The following SLC24A2 variants were observed in gnomAD, a reference collection of about 807,000 sequenced individuals.
SLC24A2 encodes the protein solute carrier family 24 member 2, also known as sodium/potassium/calcium exchanger 2.
A neutral mutation model predicts 62.0 loss-of-function variants in SLC24A2; 36 were observed. The ratio of observed to expected loss-of-function variants is 0.58; its 90% CI spans 0.44 to 0.77. The LOEUF is 0.77. SLC24A2 is among the 30% of genes least tolerant of loss of function. The probability of loss-of-function intolerance (pLI) is 0.00; values close to 1 mark genes in which losing one functional copy is unlikely to be tolerated. For synonymous variants in SLC24A2, 358 were observed against 294.0 expected, an observed-to-expected ratio of 1.22 and a Z score of -2.23; for missense variants, 846 against 817.9, an observed-to-expected ratio of 1.03 and a Z score of -0.42.
At chr9:19,800,686 T>C in the SLC24A2 span, among the ~76,000 whole-genome samples, 1 of 152,328 alleles carries the variant, frequency 6.6e-6, no homozygotes, top group Admixed American at 6.5e-5. Flanking sequence ...CTGCCTAATA[T>C]TTTATCTCAC....
At chr9:19,833,539 G>A in the SLC24A2 span, among the ~76,000 whole-genome samples, 12 of 152,222 alleles carry the variant, frequency 7.9e-5, no homozygotes, top group African/African-American at 1.4e-4. Flanking sequence ...AGGGGCGCCC[G>A]CCATTGCGCA....
the SLC24A2 span, among the ~76,000 whole-genome samples, chr9:20,209,403 A>G: frequency 1.3e-5 from 2 of 152,274 alleles, no homozygotes; most frequent in Non-Finnish European, 2.9e-5. Flanking sequence ...ATTGCTCATA[A>G]CCTCTGTGTC....
At chr9:20,032,911 A>T in the SLC24A2 span, among the ~76,000 whole-genome samples, 4 of 152,168 alleles carry the variant, frequency 2.6e-5, no homozygotes, top group African/African-American at 9.7e-5. Context: ...CTGACCGAAA[A>T]CTAGAAAATG....
the SLC24A2 span, among the ~76,000 whole-genome samples, chr9:20,145,103 G>C: frequency 6.6e-6 from 1 of 152,220 alleles, no homozygotes. Flanking sequence ...CGTATTTTGT[G>C]AACCAAAAAT....
the SLC24A2 span, among the ~76,000 whole-genome samples, chr9:20,095,164 T>G: frequency 4.9e-4 from 74 of 152,344 alleles, 1 homozygote; most frequent in African/African-American, 1.6e-3. Context: ...GGAATAGTTT[T>G]TTCATTAAGG....
intron 2 of SLC24A2, among the ~76,000 whole-genome samples, chr9:19,778,750 C>A (rs775153308): frequency 2.9e-4 from 44 of 152,178 alleles, no homozygotes; most frequent in Non-Finnish European, 5.9e-4. Flanking sequence ...CAATGGAGTT[C>A]CACAGGTAAA....
chr9:19,895,709 A>C, the SLC24A2 span: 1 of 1,178,402 alleles, frequency 8.5e-7, no homozygotes, highest in Non-Finnish European at 1.2e-6. Context: ...GGGTGGCTCT[A>C]GCCTGGGGCC....
At chr9:20,191,176 G>A in the SLC24A2 span, among the ~76,000 whole-genome samples, 1 of 130,008 alleles carries the variant, frequency 7.7e-6, no homozygotes, top group Non-Finnish European at 1.6e-5. Flanking sequence ...TTTTTTTTTT[G>A]CAGGACAGAC....
chr9:19,532,704 C>G (rs749891991), intron 8 of SLC24A2, among the ~76,000 whole-genome samples: 5 of 152,112 alleles, frequency 3.3e-5, no homozygotes, highest in Non-Finnish European at 4.4e-5. Context: ...AATAAGTCAC[C>G]AAACCTCTGT....
At chr9:20,234,807 T>A in the SLC24A2 span, among the ~76,000 whole-genome samples, 1 of 152,220 alleles carries the variant, frequency 6.6e-6, no homozygotes, top group Non-Finnish European at 1.5e-5. Context: ...GCGCTCTGAT[T>A]TTTAGAGTGT....
chr9:19,821,360 G>T, the SLC24A2 span, among the ~76,000 whole-genome samples: 1 of 152,066 alleles, frequency 6.6e-6, no homozygotes, highest in Admixed American at 6.6e-5. Context: ...AGTGATGATT[G>T]TCCCTATTGC....
chr9:20,053,736 C>T, the SLC24A2 span, among the ~76,000 whole-genome samples: 1 of 152,184 alleles, frequency 6.6e-6, no homozygotes, highest in Non-Finnish European at 1.5e-5. Flanking sequence ...AGCAGGCCCT[C>T]ACCAAATAAC....
chr9:19,757,205 C>A (rs752537002), intron 2 of SLC24A2, among the ~76,000 whole-genome samples: 8 of 151,938 alleles, frequency 5.3e-5, no homozygotes, highest in Non-Finnish European at 1.0e-4. Context: ...GGCAAGACTG[C>A]GTTTCATTTG....
chr9:19,636,310 T>TTTCCTTTCCTTTCCC (rs1213387858), intron 2 of SLC24A2, among the ~76,000 whole-genome samples: 1 of 34,182 alleles, frequency 2.9e-5, no homozygotes, highest in African/African-American at 1.3e-4. Flanking sequence ...TTTTCTTTTC[T>TTTCCTTTCCTTTCCC]TTTCTTTTCT....
At chr9:20,214,590 GGGT>G in the SLC24A2 span, among the ~76,000 whole-genome samples, 1 of 151,706 alleles carries the variant, frequency 6.6e-6, no homozygotes, top group African/African-American at 2.4e-5. Flanking sequence ...ACTCCAGCCT[GGGT>G]GACAGAGTGA....
chr9:19,842,882 C>T, the SLC24A2 span, among the ~76,000 whole-genome samples: 1 of 152,164 alleles, frequency 6.6e-6, no homozygotes, highest in Non-Finnish European at 1.5e-5. Flanking sequence ...GGATCTCTCC[C>T]TTCTATAATA....
chr9:20,059,224 G>A, the SLC24A2 span, among the ~76,000 whole-genome samples: 1 of 152,188 alleles, frequency 6.6e-6, no homozygotes, highest in Non-Finnish European at 1.5e-5. Context: ...GTCCTCATAA[G>A]AGGGAAACAA....
At chr9:19,642,592 A>G (rs1034233347) in intron 2 of SLC24A2, among the ~76,000 whole-genome samples, 2 of 151,750 alleles carry the variant, frequency 1.3e-5, no homozygotes, top group Middle Eastern at 3.4e-3. Context: ...TCCTGCTTAC[A>G]TTGACCAAAT....
At chr9:19,556,124 G>A (rs960238604) in intron 7 of SLC24A2, among the ~76,000 whole-genome samples, 2 of 152,156 alleles carry the variant, frequency 1.3e-5, no homozygotes, top group African/African-American at 4.8e-5. Flanking sequence ...CTACTGGAAG[G>A]GTAAAATCAG....
Sources: gnomAD v4.1 joint callset for allele counts (sites outside exome capture counted in the v4.1 genomes callset) on GRCh38, gnomAD v4.1.1 for gene constraint, MANE v1.5 for transcripts, NCBI Gene and HGNC (gene_info 2026-07-23, HGNC 2026-07-21) for gene names.